MAP2K5: variants seen among roughly 807,000 people sequenced by gnomAD.
MAP2K5 encodes dual specificity mitogen-activated protein kinase kinase 5.
MAP2K5 carries 49 observed loss-of-function variants against 83.1 expected under a neutral mutation model. That is an observed-to-expected ratio of 0.59 (90% confidence interval 0.47 to 0.75). MAP2K5 has a LOEUF of 0.75. Among genes scored for constraint, MAP2K5 ranks in the 30% least tolerant of loss-of-function variants. The pLI is 0.00. For synonymous variants in MAP2K5, 202 were observed against 191.8 expected, an observed-to-expected ratio of 1.05 and a Z score of -0.44; for missense variants, 457 against 557.5, an observed-to-expected ratio of 0.82 and a Z score of 1.82.
At position 67,640,769 on chromosome 15, in the gene MAP2K5, C is replaced by T. The variant is rs2086693220; in HGVS notation, c.586-5462C>T. On this transcript the variant is annotated intron_variant, in intron 9 of 21. Transcript: ENST00000178640. The surrounding 1 kb of genome is among the most constrained non-coding windows in gnomAD (Gnocchi z 4.6). ...ACAAAAAAGCATATTGTAAATGTTT[C>T]CCTTTTTAGACTTCTGAGGTAGGAA... 2 of 174,358 alleles carry T rather than the reference C, an allele frequency of 1.1e-5. No individual in the cohort carries two copies. Among genetic ancestry groups the T allele is most frequent in the Admixed American group, 1.3e-4 (2 of 15,288 alleles). The allele number at this position is 174,358 out of a possible 1,614,324, so 10.8% of individuals were successfully genotyped here. A position where few individuals can be genotyped will look rare whatever the true frequency, so the allele number is the denominator to read the frequency against.
rs1415201570 is a variant in MAP2K5 at position 67,768,539 on chromosome 15, GC to G, written c.1135-1062del. The stretch of plus-strand genomic sequence containing the variant: ...ATCCAAATGGCCAAAGCACTCCAAA[GC>G]ACAGTGAGATTAAAATAAGTCATTC... On this transcript the variant is annotated intron_variant, in intron 19 of 21. Coordinates refer to ENST00000178640, the MANE Select transcript of MAP2K5 (RefSeq NM_145160.3). The surrounding 1 kb of genome is among the most constrained non-coding windows in gnomAD (Gnocchi z 4.0). Among the ~76,000 whole-genome samples the G allele has an allele frequency of 6.6e-6, 1 of 152,178 alleles. No individual in the cohort carries two copies. The highest frequency in any genetic ancestry group is 2.4e-5 in the African/African-American group (1 of 41,434).
intron 8 of MAP2K5, among the ~76,000 whole-genome samples, chr15:67,607,702 A>C (rs977125516): frequency 5.3e-5 from 8 of 152,220 alleles, no homozygotes; most frequent in African/African-American, 1.9e-4. Flanking sequence ...GAAAGACACT[A>C]AATTTCATTT....
chr15:67,553,870 G>A (rs527507528), intron 2 of MAP2K5, among the ~76,000 whole-genome samples: 2 of 122,790 alleles, frequency 1.6e-5, no homozygotes, highest in East Asian at 2.6e-4. Flanking sequence ...CCGAGATTGC[G>A]CCACTGCAGT....
At chr15:67,733,828 A>G (rs2089279889) in intron 17 of MAP2K5, among the ~76,000 whole-genome samples, 1 of 152,220 alleles carries the variant, frequency 6.6e-6, no homozygotes. Context: ...GGCACCTTCC[A>G]TAGATAGTTC....
intron 13 of MAP2K5, among the ~76,000 whole-genome samples, chr15:67,685,843 A>G (rs974393632): frequency 6.6e-6 from 1 of 152,270 alleles, no homozygotes; most frequent in African/African-American, 2.4e-5. Flanking sequence ...GCCTGTTTTT[A>G]CAAACACAAT....
chr15:67,702,312 T>C lies in MAP2K5; in HGVS notation c.973-1025T>C, dbSNP rs183808431. On this transcript the variant is annotated intron_variant, in intron 15 of 21. Transcript: ENST00000178640. The surrounding 1 kb of genome is among the most constrained non-coding windows in gnomAD (Gnocchi z 4.6). ...CAAGGCCTGGTGTATAGAAATTCTT[T>C]AATAAATGCACACATAATTGTGTTG... Among the ~76,000 whole-genome samples the C allele has an allele frequency of 2.0e-5, 3 of 152,354 alleles. No individual in the cohort carries two copies. The East Asian group carries it at 5.8e-4, about 29-fold the overall frequency.
At chr15:67,571,285 G>C (rs1443062478) in intron 3 of MAP2K5, among the ~76,000 whole-genome samples, 1 of 152,172 alleles carries the variant, frequency 6.6e-6, no homozygotes, top group Non-Finnish European at 1.5e-5. Flanking sequence ...TAGATCCCAG[G>C]TTAATACCTC....
intron 15 of MAP2K5, 150 bp downstream of exon 15, chr15:67,693,718 C>CATTAGAG (rs2088173834): frequency 1.6e-6 from 1 of 610,082 alleles, no homozygotes; most frequent in African/African-American, 1.9e-5. Flanking sequence ...ATTTTTAAAT[C>CATTAGAG]TTTCTAAAAG....
chr15:67,698,858 T>C lies in MAP2K5; in HGVS notation c.973-4479T>C, dbSNP rs538460907. Among the ~76,000 whole-genome samples, 1 of 152,350 alleles carries C rather than the reference T, an allele frequency of 6.6e-6. No individual in the cohort carries two copies. The highest frequency in any genetic ancestry group is 2.1e-4 in the South Asian group (1 of 4,824). ...TGACTGGAAGGAGGCTAACATTAACTGAGCATTCCCATGTGGCACGTACTG... is the reference window on the plus strand; with the variant it reads ...TGACTGGAAGGAGGCTAACATTAACCGAGCATTCCCATGTGGCACGTACTG... On this transcript the variant is annotated intron_variant, in intron 15 of 21. Coordinates refer to ENST00000178640, the MANE Select transcript of MAP2K5 (RefSeq NM_145160.3). The surrounding 1 kb of genome is among the most constrained non-coding windows in gnomAD (Gnocchi z 4.5).
chr15:67,755,224 C>A lies in MAP2K5; in HGVS notation c.1134+6623C>A, dbSNP rs1235276701. ...AAACTCCTGACCTCAAGTGATCGCC[C>A]GCCTCAGCCTCCCAAAGTGCTAAGA... On this transcript the variant is annotated intron_variant, in intron 19 of 21. Transcript: ENST00000178640. The surrounding 1 kb of genome is among the most constrained non-coding windows in gnomAD (Gnocchi z 4.7). Among the ~76,000 whole-genome samples the A allele has an allele frequency of 6.6e-6, 1 of 152,088 alleles. No individual in the cohort carries two copies. Among genetic ancestry groups the A allele is most frequent in the African/African-American group, 2.4e-5 (1 of 41,386 alleles).
At chr15:67,613,935 G>T (rs565654020) in intron 8 of MAP2K5, among the ~76,000 whole-genome samples, 79 of 151,940 alleles carry the variant, frequency 5.2e-4, no homozygotes, top group African/African-American at 1.8e-3. Context: ...TTAGTAAATT[G>T]TACCCCAGTG....
intron 19 of MAP2K5, among the ~76,000 whole-genome samples, chr15:67,752,418 G>A (rs756641270): frequency 2.0e-5 from 3 of 151,894 alleles, no homozygotes; most frequent in South Asian, 2.1e-4. Flanking sequence ...GGTGGCTCAC[G>A]CCTGTAATTC....
rs2084692853 is a variant in MAP2K5, at chr15:67,559,503, G to A, written c.185-3780G>A. ...CAAATAAAATTGCTAACAACATATG[G>A]CCTGTTATGATTCTCTTTTCCCAAA... On this transcript the variant is annotated intron_variant, in intron 2 of 21. Transcript: ENST00000178640. The surrounding 1 kb of genome is among the most constrained non-coding windows in gnomAD (Gnocchi z 4.7). Among the ~76,000 whole-genome samples the A allele has an allele frequency of 6.6e-6, 1 of 152,038 alleles. No individual in the cohort carries two copies. Among genetic ancestry groups the A allele is most frequent in the Non-Finnish European group, 1.5e-5 (1 of 68,024 alleles).
chr15:67,806,954 G>A lies in MAP2K5; in HGVS notation c.*204G>A, dbSNP rs1037926868. The A allele has an allele frequency of 1.7e-5, 26 of 1,551,322 alleles. No individual in the cohort carries two copies. The highest frequency in any genetic ancestry group is 2.3e-5 in the Non-Finnish European group (26 of 1,155,478). On this transcript the variant is annotated 3_prime_UTR_variant, in exon 22 of 22. Transcript: ENST00000178640. The stretch of plus-strand genomic sequence containing the variant: ...CACCAGGCCATCCCCATACCTTCTG[G>A]TTTGAAGGCGCTGACACTGGCAGAG...
chr15:67,608,697 T>A (rs1327865668), intron 8 of MAP2K5, among the ~76,000 whole-genome samples: 1 of 152,184 alleles, frequency 6.6e-6, no homozygotes, highest in African/African-American at 2.4e-5. Flanking sequence ...ACAGCTGACT[T>A]AAAGTCTGAA....
At chr15:67,578,734 A>T (rs1383744646) in intron 3 of MAP2K5, among the ~76,000 whole-genome samples, 1 of 152,146 alleles carries the variant, frequency 6.6e-6, no homozygotes, top group Non-Finnish European at 1.5e-5. Flanking sequence ...ACAGACCTAA[A>T]ATGAAAGGAA....
chr15:67,576,635 G>A (rs61618811), intron 3 of MAP2K5, among the ~76,000 whole-genome samples: 23,846 of 146,880 alleles, frequency 0.16, 4,122 homozygotes, highest in African/African-American at 0.27. Context: ...ATTGATTATC[G>A]CTGCAGTTAC....
intron 4 of MAP2K5, 176 bp from the exon 5 acceptor site, chr15:67,585,714 C>A (rs2085274245): frequency 1.7e-6 from 1 of 580,614 alleles, no homozygotes; most frequent in Admixed American, 2.7e-5. Flanking sequence ...TAAATGCTCA[C>A]TCCTGCAAGT....
intron 3 of MAP2K5, among the ~76,000 whole-genome samples, chr15:67,575,423 A>C (rs1308851070): frequency 1.3e-5 from 2 of 152,130 alleles, no homozygotes; most frequent in Non-Finnish European, 2.9e-5. Context: ...GCCAGAGGTC[A>C]CCTAGGTCAC....
Sources: gnomAD v4.1 joint callset for allele counts (sites outside exome capture counted in the v4.1 genomes callset) on GRCh38, gnomAD v4.1.1 for gene constraint, Gnocchi (gnomAD v3.1) non-coding constraint, MANE v1.5 for transcripts, NCBI Gene and HGNC (gene_info 2026-07-23, HGNC 2026-07-21) for gene names.